Variants in SLC41A3 observed in about 807,000 individuals in gnomAD.
SLC41A3 encodes SLC41A1-like 2.
SLC41A3 carries 44 observed loss-of-function variants against 45.4 expected under a neutral mutation model. The ratio of observed to expected loss-of-function variants is 0.97; its 90% confidence interval spans 0.76 to 1.25. The LOEUF (loss-of-function observed/expected upper bound fraction) is 1.25, where lower values mean the gene tolerates loss of function less well. Among genes scored for constraint, SLC41A3 ranks in the 50% most tolerant of loss-of-function variants. SLC41A3 has a pLI of 0.00. For synonymous variants in SLC41A3, 256 were observed against 252.4 expected (o/e 1.01, Z -0.13); for missense variants, 550 against 600.6 (o/e 0.92, Z 0.88).
At chr3:126,064,736 C>T (rs1944262565) in intron 2 of SLC41A3, among the ~76,000 whole-genome samples, 1 of 152,258 alleles carries the variant, frequency 6.6e-6, no homozygotes, top group South Asian at 2.1e-4. Flanking sequence ...CATAGCTTGC[C>T]TGGAGACCCC....
At position 126,022,944 on chromosome 3, in the gene SLC41A3, G is replaced by C. The variant is rs199882339; in HGVS notation, c.599-12C>G. ...GACCATCAGCACCCCTGCAGAGAGA[G>C]AGAGGAGAAACAGCAGACTCAAATC... On this transcript the variant is annotated splice_polypyrimidine_tract_variant and intron_variant, in intron 5 of 10. Transcript: ENST00000360370. 1.2e-6 allele frequency: 2 copies of C among 1,613,932 alleles called. No individual in the cohort carries two copies. Among genetic ancestry groups the C allele is most frequent in the Admixed American group, 1.7e-5 (1 of 60,022 alleles).
intron 2 of SLC41A3, among the ~76,000 whole-genome samples, chr3:126,062,086 G>A (rs114334210): frequency 0.016 from 2,432 of 152,276 alleles, 32 homozygotes; most frequent in Non-Finnish European, 0.027. Flanking sequence ...TTCAAGGAGG[G>A]AAATTTATTA....
chr3:126,029,344 G>C (rs1941619300), intron 4 of SLC41A3, among the ~76,000 whole-genome samples: 1 of 150,572 alleles, frequency 6.6e-6, no homozygotes, highest in South Asian at 2.1e-4. Context: ...CTGAGATCTG[G>C]TCCTTTAGAA....
chr3:126,068,104 G>A lies in SLC41A3; in HGVS notation c.116C>T (p.Ala39Val), dbSNP rs1405698182. ...GGLPVASEDG[A>V]LRAPESQSVT... Reference sequence around the variant, plus strand: ...GCTTTGGCTCTCAGGGGCCCTGAGAGCTCCATCTTCTGAGGCTACAGGGAG... The same window carrying A: ...GCTTTGGCTCTCAGGGGCCCTGAGAACTCCATCTTCTGAGGCTACAGGGAG... The change falls in exon 2 of 11, where the codon GCT (alanine) becomes GTT (valine). Residue 39 changes from alanine (A) to valine (V), a missense_variant. By Grantham distance (64) the Ala-to-Val change is moderately conservative. Coordinates refer to ENST00000360370, the MANE Select transcript of SLC41A3 (RefSeq NM_017836.4). 1 of 1,613,678 alleles carries A rather than the reference G, an allele frequency of 6.2e-7. No individual in the cohort carries two copies. The highest frequency in any genetic ancestry group is 8.5e-7 in the Non-Finnish European group (1 of 1,179,930).
intron 1 of SLC41A3, among the ~76,000 whole-genome samples, chr3:126,078,622 C>G (rs1334971022): frequency 2.6e-5 from 4 of 152,178 alleles, no homozygotes; most frequent in African/African-American, 9.7e-5. Flanking sequence ...ATGCAGTATG[C>G]CTTTACCTCC....
At chr3:126,076,076 A>G (rs1354024565) in intron 1 of SLC41A3, among the ~76,000 whole-genome samples, 1 of 152,256 alleles carries the variant, frequency 6.6e-6, no homozygotes, top group Non-Finnish European at 1.5e-5. Flanking sequence ...GCCAATCATT[A>G]TATCTAATGA....
At chr3:126,018,810 T>C (rs1026268759) in intron 6 of SLC41A3, among the ~76,000 whole-genome samples, 2 of 152,234 alleles carry the variant, frequency 1.3e-5, no homozygotes, top group African/African-American at 2.4e-5. Context: ...TAACAACCCA[T>C]ATAAATGCAG....
chr3:126,045,302 A>T (rs1462067178), intron 3 of SLC41A3, among the ~76,000 whole-genome samples: 3 of 151,926 alleles, frequency 2.0e-5, no homozygotes, highest in Non-Finnish European at 1.5e-5. Context: ...AATAAAATAG[A>T]GAACAGAAAA....
chr3:126,064,425 C>G (rs920441830), intron 2 of SLC41A3, among the ~76,000 whole-genome samples: 12 of 152,280 alleles, frequency 7.9e-5, no homozygotes, highest in Admixed American at 3.9e-4. Flanking sequence ...CTGACTCACT[C>G]TGCTCCCCAG....
chr3:126,093,893 A>G (rs1035434195), intron 1 of SLC41A3, among the ~76,000 whole-genome samples: 1 of 152,226 alleles, frequency 6.6e-6, no homozygotes, highest in African/African-American at 2.4e-5. Context: ...TTTGGTAGAT[A>G]CAGGAGTGGA....
Position 126,026,325 on chromosome 3 carries a change from C to T in SLC41A3, c.598+10G>A, listed in dbSNP as rs191290433. ...AGCGGGTGGGGGCTCACAGCTGGGGCATGGCTCACCCAGGGCAAAGGCTGC... is the reference window on the plus strand; with the variant it reads ...AGCGGGTGGGGGCTCACAGCTGGGGTATGGCTCACCCAGGGCAAAGGCTGC... On this transcript the variant is annotated intron_variant, in intron 5 of 10. Transcript: ENST00000360370. This position sits in a 1 kb window ranked among gnomAD's most constrained non-coding sequence, Gnocchi z 4.2. The T allele has an allele frequency of 5.8e-3, 9,090 of 1,556,802 alleles. 45 individuals carry two copies. The highest frequency in any genetic ancestry group is 6.7e-3 in the Non-Finnish European group (7,647 of 1,149,434).
chr3:126,071,279 G>A (rs537333027), intron 1 of SLC41A3, among the ~76,000 whole-genome samples: 59 of 151,954 alleles, frequency 3.9e-4, no homozygotes, highest in Non-Finnish European at 7.8e-4. Context: ...AGGCAAAACA[G>A]ACATAAAAAC....
At chr3:126,084,542 C>CCA (rs1433527232), upstream of SLC41A3, 2 of 152,216 alleles carry the variant, frequency 1.3e-5, no homozygotes, top group African/African-American at 4.8e-5. Context: ...GTGCTTCACC[C>CCA]CACACATGCC....
intron 2 of SLC41A3, 72 bp from the exon 3 acceptor site, chr3:126,051,122 C>A: frequency 6.9e-7 from 1 of 1,444,272 alleles, no homozygotes; most frequent in Non-Finnish European, 9.2e-7. Context: ...CTTGAGAGAA[C>A]CTTCAGCAAG....
At chr3:126,068,836 C>T (rs1307663993) in intron 1 of SLC41A3, among the ~76,000 whole-genome samples, 2 of 152,174 alleles carry the variant, frequency 1.3e-5, no homozygotes, top group Non-Finnish European at 2.9e-5. Context: ...TTTGACCCAT[C>T]TGGAGATCCC....
At chr3:126,034,637 C>G (rs1942053269) in intron 3 of SLC41A3, among the ~76,000 whole-genome samples, 1 of 152,238 alleles carries the variant, frequency 6.6e-6, no homozygotes, top group African/African-American at 2.4e-5. Flanking sequence ...AGGGTAGAGA[C>G]TCAGTGGAAC....
At chr3:126,016,577 A>T (rs1940304991) in intron 7 of SLC41A3, among the ~76,000 whole-genome samples, 154 bp downstream of exon 7, 1 of 152,042 alleles carries the variant, frequency 6.6e-6, no homozygotes, top group Admixed American at 6.5e-5. Context: ...AAAGGAAAAA[A>T]GGTATGATTC....
chr3:126,094,873 G>A (rs200309412), intron 1 of SLC41A3, among the ~76,000 whole-genome samples: 12 of 152,274 alleles, frequency 7.9e-5, no homozygotes, highest in Non-Finnish European at 1.8e-4. Flanking sequence ...TTCTTCATAC[G>A]TGGTTCATTC....
chr3:126,039,213 C>A (rs2107804210), intron 3 of SLC41A3, among the ~76,000 whole-genome samples: 1 of 152,338 alleles, frequency 6.6e-6, no homozygotes, highest in Admixed American at 6.5e-5. Flanking sequence ...CTAACACAGT[C>A]ACCAAACTAA....
Sources: gnomAD v4.1 joint callset for allele counts (sites outside exome capture counted in the v4.1 genomes callset) on GRCh38, gnomAD v4.1.1 for gene constraint, Gnocchi (gnomAD v3.1) non-coding constraint, MANE v1.5 for transcripts, NCBI Gene and HGNC (gene_info 2026-07-23, HGNC 2026-07-21) for gene names.